The following CRPPA variants were observed in gnomAD, a reference collection of about 807,000 sequenced individuals.
CRPPA encodes the protein D-ribitol-5-phosphate cytidylyltransferase.
Under a neutral mutation model 52.0 loss-of-function variants are expected in CRPPA, and 43 were observed. The ratio of observed to expected loss-of-function variants is 0.83; its 90% CI spans 0.65 to 1.07. CRPPA has a LOEUF of 1.07. Ranked by LOEUF, CRPPA falls within the 50% of genes least tolerant of loss-of-function variation. The pLI, the probability that CRPPA is intolerant of heterozygous loss-of-function variation, is 0.00. For synonymous variants in CRPPA, 250 were observed against 203.5 expected (o/e 1.23, Z -1.94); for missense variants, 629 against 551.7 (o/e 1.14, Z -1.40).
At chr7:16,327,344 G>T (rs1785424083) in intron 3 of CRPPA, among the ~76,000 whole-genome samples, 1 of 152,078 alleles carries the variant, frequency 6.6e-6, no homozygotes, top group African/African-American at 2.4e-5. Flanking sequence ...TGTAATCCCA[G>T]CACTTTGGGA....
At chr7:16,349,734 A>G (rs1786098848) in intron 3 of CRPPA, among the ~76,000 whole-genome samples, 1 of 152,116 alleles carries the variant, frequency 6.6e-6, no homozygotes, top group African/African-American at 2.4e-5. Context: ...AAAGAGAATG[A>G]GAAAGAGTAC....
intron 2 of CRPPA, among the ~76,000 whole-genome samples, chr7:16,395,476 A>G (rs1787545370): frequency 6.6e-6 from 1 of 152,212 alleles, no homozygotes; most frequent in Admixed American, 6.5e-5. Flanking sequence ...GTGTTTGCAG[A>G]ACGGCATCTC....
chr7:16,219,000 C>A (rs1782419414), intron 8 of CRPPA, among the ~76,000 whole-genome samples: 1 of 152,128 alleles, frequency 6.6e-6, no homozygotes, highest in South Asian at 2.1e-4. Context: ...TTTTTTTCAG[C>A]ACCACACCAA....
At chr7:16,370,238 C>G (rs918553032) in intron 3 of CRPPA, among the ~76,000 whole-genome samples, 1 of 152,180 alleles carries the variant, frequency 6.6e-6, no homozygotes, top group African/African-American at 2.4e-5. Context: ...CAAGGGTAAG[C>G]TGGAAGTGTG....
At chr7:16,139,755 T>C (rs893247386) in intron 9 of CRPPA, among the ~76,000 whole-genome samples, 1 of 152,158 alleles carries the variant, frequency 6.6e-6, no homozygotes, top group African/African-American at 2.4e-5. Context: ...AAGAAATGTG[T>C]CTCTTGAATT....
Position 16,420,977 on chromosome 7 carries a change from G to A in CRPPA, c.257+89C>T, listed in dbSNP as rs1367561319. On this transcript the variant is annotated intron_variant, in intron 1 of 9. Transcript: ENST00000407010. ...TGAGCGCGGCCCGGCAGTCCCCCAA[G>A]TGAAGGTGCTAGCGCTAGAGCAGCG... is the stretch of plus-strand genomic sequence containing the variant. 8 of 1,142,764 alleles carry A rather than the reference G, an allele frequency of 7.0e-6. No homozygotes were observed. The Admixed American group carries it at 3.4e-4, about 49-fold the overall frequency. 70.8% of individuals were successfully genotyped at this position (1,142,764 alleles called of 1,614,324 possible). A position where few individuals can be genotyped will look rare whatever the true frequency, so the allele number is the denominator to read the frequency against.
At chr7:16,410,847 G>T (rs905064536) in intron 1 of CRPPA, among the ~76,000 whole-genome samples, 21 of 152,000 alleles carry the variant, frequency 1.4e-4, no homozygotes, top group African/African-American at 5.1e-4. Flanking sequence ...AGCCCTGCCC[G>T]AGTCTTTCAT....
At chr7:16,137,139 AT>A (rs1215481867) in intron 9 of CRPPA, among the ~76,000 whole-genome samples, 1 of 152,200 alleles carries the variant, frequency 6.6e-6, no homozygotes, top group African/African-American at 2.4e-5. Flanking sequence ...TTGGAAGGTG[AT>A]TAGGTTATAA....
At chr7:16,297,164 A>C (rs1213508882) in intron 5 of CRPPA, among the ~76,000 whole-genome samples, 2 of 152,124 alleles carry the variant, frequency 1.3e-5, no homozygotes, top group African/African-American at 4.8e-5. Context: ...GCTCTTACCA[A>C]CCGTGTGACC....
intron 2 of CRPPA, among the ~76,000 whole-genome samples, chr7:16,391,378 T>C (rs1377496293): frequency 1.3e-5 from 2 of 152,226 alleles, no homozygotes; most frequent in East Asian, 3.9e-4. Context: ...GCTATCCAAG[T>C]CCAAGCCACC....
At chr7:16,407,552 T>C (rs1033065063) in intron 1 of CRPPA, among the ~76,000 whole-genome samples, 1 of 152,222 alleles carries the variant, frequency 6.6e-6, no homozygotes, top group Non-Finnish European at 1.5e-5. Flanking sequence ...GTCTTTAGAA[T>C]ATTTTTAAAG....
chr7:16,336,214 C>A (rs79857254), intron 3 of CRPPA, among the ~76,000 whole-genome samples: 4,507 of 151,304 alleles, frequency 0.03, 223 homozygotes, highest in African/African-American at 0.1. Context: ...TTAGAATTCT[C>A]TAATATTGTA....
At chr7:16,304,272 G>C (rs1859423) in intron 4 of CRPPA, among the ~76,000 whole-genome samples, 7,292 of 152,114 alleles carry the variant, frequency 0.048, 274 homozygotes, top group East Asian at 0.16. Flanking sequence ...TCGCCCTGGT[G>C]GGGGTAGTGG....
chr7:16,250,931 A>T (rs1783431384), intron 8 of CRPPA, among the ~76,000 whole-genome samples: 1 of 152,194 alleles, frequency 6.6e-6, no homozygotes, highest in African/African-American at 2.4e-5. Flanking sequence ...ACAGACTGGC[A>T]AATTGGATAA....
intron 9 of CRPPA, among the ~76,000 whole-genome samples, chr7:16,128,012 T>C (rs1583375965): frequency 1.3e-5 from 2 of 152,178 alleles, no homozygotes; most frequent in Non-Finnish European, 2.9e-5. Context: ...AATTTTAGTG[T>C]TCTCAAGTAT....
chr7:16,374,667 T>A, intron 3 of CRPPA, among the ~76,000 whole-genome samples: 1 of 152,168 alleles, frequency 6.6e-6, no homozygotes, highest in East Asian at 1.9e-4. Flanking sequence ...TCTTTCCTCC[T>A]GTCCCCATGG....
intron 9 of CRPPA, among the ~76,000 whole-genome samples, chr7:16,092,065 T>C (rs745681871): frequency 1.3e-5 from 2 of 152,188 alleles, no homozygotes; most frequent in Non-Finnish European, 2.9e-5. Context: ...GAAAAGATTA[T>C]TTCCCCTTAA....
At chr7:16,212,371 T>C (rs549080490) in intron 9 of CRPPA, among the ~76,000 whole-genome samples, 1 of 152,176 alleles carries the variant, frequency 6.6e-6, no homozygotes, top group Admixed American at 6.6e-5. Flanking sequence ...GAGAAAATGA[T>C]GGGCTAAAAC....
intron 3 of CRPPA, among the ~76,000 whole-genome samples, chr7:16,341,698 A>T (rs1785839632): frequency 6.6e-6 from 1 of 152,174 alleles, no homozygotes; most frequent in Non-Finnish European, 1.5e-5. Context: ...TGAATCCTCA[A>T]ATGTGGGATA....
Sources: allele counts gnomAD v4.1 joint callset (sites outside exome capture counted in the v4.1 genomes callset), GRCh38; gene constraint gnomAD v4.1.1; transcripts MANE v1.5; gene names NCBI Gene and HGNC (gene_info 2026-07-23, HGNC 2026-07-21).